LINGO2: variants seen among roughly 807,000 people sequenced by gnomAD.
LINGO2 encodes leucine rich repeat and Ig domain containing 2, also known as leucine-rich repeat and immunoglobulin-like domain-containing nogo receptor-interacting protein 2.
Under a neutral mutation model 30.6 loss-of-function variants are expected in LINGO2, and 14 were observed. The observed-to-expected ratio is 0.46, with a 90% confidence interval of 0.30 to 0.72. The LOEUF is 0.72. Ranked by LOEUF, LINGO2 falls within the 30% of genes least tolerant of loss-of-function variation. The probability of loss-of-function intolerance (pLI) is 0.07; values close to 1 mark genes in which losing one functional copy is unlikely to be tolerated. For missense variants in LINGO2, 729 were observed against 751.7 expected (o/e 0.97, Z 0.35); for synonymous variants, 317 against 288.5 (o/e 1.10, Z -1.00).
At chr9:28,521,332 G>A (rs1312003938) in intron 1 of LINGO2, among the ~76,000 whole-genome samples, 1 of 152,124 alleles carries the variant, frequency 6.6e-6, no homozygotes, top group Non-Finnish European at 1.5e-5. Context: ...ACTGTAGTGA[G>A]GGTATGAGTA....
the LINGO2 span, among the ~76,000 whole-genome samples, chr9:29,136,979 A>G: frequency 1.3e-5 from 2 of 152,144 alleles, no homozygotes; most frequent in Non-Finnish European, 2.9e-5. Flanking sequence ...TACAATTCCA[A>G]TTATTGTATC....
the LINGO2 span, among the ~76,000 whole-genome samples, chr9:28,916,869 C>T: frequency 3.9e-5 from 6 of 152,296 alleles, no homozygotes; most frequent in South Asian, 1.0e-3. Flanking sequence ...CCCTTGTCTT[C>T]CACCTTTCTG....
the LINGO2 span, among the ~76,000 whole-genome samples, chr9:29,099,183 G>T: frequency 2.0e-5 from 3 of 152,258 alleles, no homozygotes; most frequent in East Asian, 3.9e-4. Flanking sequence ...TCCTTATGCA[G>T]AAAAATGAAA....
chr9:29,212,293 C>T, the LINGO2 span, among the ~76,000 whole-genome samples: 3 of 151,960 alleles, frequency 2.0e-5, no homozygotes, highest in Admixed American at 1.3e-4. Context: ...GCTGGCTCTC[C>T]GCGCTCACCC....
intron 2 of LINGO2, among the ~76,000 whole-genome samples, chr9:28,456,695 C>T (rs774258381): frequency 3.3e-5 from 5 of 152,046 alleles, no homozygotes; most frequent in African/African-American, 7.2e-5. Flanking sequence ...TTTTCTGACA[C>T]GCATGACACA....
the LINGO2 span, among the ~76,000 whole-genome samples, chr9:28,891,163 T>C: frequency 0.046 from 7,060 of 151,974 alleles, 557 homozygotes; most frequent in African/African-American, 0.16. Context: ...GGAGGAAATG[T>C]TGAAGCAATT....
intron 4 of LINGO2, among the ~76,000 whole-genome samples, chr9:28,085,584 T>C (rs1328656866): frequency 6.6e-6 from 1 of 152,052 alleles, no homozygotes; most frequent in Non-Finnish European, 1.5e-5. Context: ...TGGACTGCCT[T>C]ATTGGAACCA....
chr9:28,018,229 C>A (rs1822938413), intron 4 of LINGO2, among the ~76,000 whole-genome samples: 1 of 152,046 alleles, frequency 6.6e-6, no homozygotes, highest in Non-Finnish European at 1.5e-5. Flanking sequence ...AAAGACTTAA[C>A]TGTAGAACCT....
At chr9:28,281,378 A>T (rs1440777691) in intron 4 of LINGO2, among the ~76,000 whole-genome samples, 1 of 152,094 alleles carries the variant, frequency 6.6e-6, no homozygotes, top group Non-Finnish European at 1.5e-5. Flanking sequence ...TTTTCTTTTA[A>T]CCATTAAATG....
chr9:28,518,248 G>A (rs1209969071), intron 1 of LINGO2, among the ~76,000 whole-genome samples: 2 of 152,204 alleles, frequency 1.3e-5, no homozygotes, highest in South Asian at 2.1e-4. Context: ...AACAAATTAA[G>A]AAGAAAAGAC....
intron 4 of LINGO2, among the ~76,000 whole-genome samples, chr9:28,084,165 C>T (rs949246551): frequency 2.6e-5 from 4 of 152,036 alleles, no homozygotes; most frequent in South Asian, 2.1e-4. Flanking sequence ...ATATTTATAC[C>T]GTTTTAAAGA....
intron 1 of LINGO2, among the ~76,000 whole-genome samples, chr9:28,519,835 C>T (rs1587797527): frequency 6.6e-6 from 1 of 152,212 alleles, no homozygotes; most frequent in Admixed American, 6.5e-5. Context: ...ATGTTTTTGG[C>T]ATTGAGTCTA....
At chr9:29,145,262 G>T in the LINGO2 span, among the ~76,000 whole-genome samples, 2 of 152,136 alleles carry the variant, frequency 1.3e-5, no homozygotes, top group African/African-American at 4.8e-5. Flanking sequence ...GGTGATCCAG[G>T]TGTAGAGATG....
the LINGO2 span, among the ~76,000 whole-genome samples, chr9:28,816,054 G>A: frequency 2.6e-5 from 4 of 152,148 alleles, no homozygotes; most frequent in African/African-American, 9.7e-5. Flanking sequence ...TGTGGTGAAA[G>A]GGCACTCAAG....
the LINGO2 span, among the ~76,000 whole-genome samples, chr9:29,057,067 C>A: frequency 6.6e-6 from 1 of 151,592 alleles, no homozygotes; most frequent in Non-Finnish European, 1.5e-5. Flanking sequence ...GCTATCTGGG[C>A]TCTCTTTTGG....
At chr9:28,732,967 A>G in the LINGO2 span, among the ~76,000 whole-genome samples, 85 of 152,178 alleles carry the variant, frequency 5.6e-4, no homozygotes, top group Non-Finnish European at 9.3e-4. Context: ...ATGTTCCTCA[A>G]ATGAAGGCTT....
chr9:28,483,439 G>A (rs775989562), intron 1 of LINGO2, among the ~76,000 whole-genome samples: 1 of 151,866 alleles, frequency 6.6e-6, no homozygotes, highest in Admixed American at 6.6e-5. Context: ...ATGATGTTTT[G>A]TATTGAGTGC....
chr9:28,138,249 T>G (rs1391990247), intron 4 of LINGO2, among the ~76,000 whole-genome samples: 1 of 152,194 alleles, frequency 6.6e-6, no homozygotes, highest in Non-Finnish European at 1.5e-5. Context: ...TCAATTTACC[T>G]AAAACACTGT....
chr9:28,631,780 A>G (rs987480992), intron 1 of LINGO2, among the ~76,000 whole-genome samples: 2 of 152,084 alleles, frequency 1.3e-5, no homozygotes, highest in African/African-American at 4.8e-5. Flanking sequence ...GACTTCATTC[A>G]GACTCAAATT....
Sources: gnomAD v4.1 joint callset for allele counts (sites outside exome capture counted in the v4.1 genomes callset) on GRCh38, gnomAD v4.1.1 for gene constraint, MANE v1.5 for transcripts, NCBI Gene and HGNC (gene_info 2026-07-23, HGNC 2026-07-21) for gene names.